Variants in R3HDM1 observed in about 807,000 individuals in gnomAD.
R3HDM1 encodes the protein R3H domain containing 1.
Under a neutral mutation model 141.1 loss-of-function variants are expected in R3HDM1, and 46 were observed. That is an observed-to-expected ratio of 0.33 (90% CI 0.26 to 0.42). The LOEUF is 0.42. R3HDM1 is among the 10% of genes least tolerant of loss of function. R3HDM1 has a pLI of 1.00. For synonymous variants in R3HDM1, 435 were observed against 472.9 expected (o/e 0.92, Z 1.04); for missense variants, 1,184 against 1,368.3 (o/e 0.87, Z 2.12).
At chr2:135,657,670 A>G (rs910683133) in intron 18 of R3HDM1, among the ~76,000 whole-genome samples, 5 of 152,136 alleles carry the variant, frequency 3.3e-5, no homozygotes, top group Admixed American at 6.6e-5. Context: ...CTTTTTACAG[A>G]TAACCCAATC....
chr2:135,668,751 G>A (rs1227799566), intron 19 of R3HDM1, among the ~76,000 whole-genome samples: 1 of 152,198 alleles, frequency 6.6e-6, no homozygotes, highest in Non-Finnish European at 1.5e-5. Context: ...AGCTGGCACT[G>A]CCCTGCTGAG....
chr2:135,561,288 C>A (rs1701753654), intron 1 of R3HDM1: 2 of 985,074 alleles, frequency 2.0e-6, no homozygotes, highest in African/African-American at 3.5e-5. Context: ...TACATTTTAT[C>A]TGTTGGTTCC....
In R3HDM1 at chr2:135,593,962, C is replaced by T. The variant is rs181324447; in HGVS notation, c.-249-8538C>T. On this transcript the variant is annotated intron_variant, in intron 1 of 26. Transcript: ENST00000683871. ...CTCAATCTTCTGACCTCAGGTGATC[C>T]GCCCGCCTCAGCCTCCCAAAGTCCT... Among the ~76,000 whole-genome samples the T allele has an allele frequency of 1.7e-3, 260 of 152,234 alleles. 6 individuals are homozygous for T. Among genetic ancestry groups the T allele is most frequent in the Admixed American group, 0.011 (172 of 15,300 alleles).
intron 21 of R3HDM1, among the ~76,000 whole-genome samples, chr2:135,705,719 T>A (rs545197286): frequency 2.6e-5 from 4 of 152,356 alleles, no homozygotes; most frequent in African/African-American, 9.6e-5. Flanking sequence ...TCATTTTTTT[T>A]ATCATGGCTT....
chr2:135,699,577 G>A (rs2073945066), intron 21 of R3HDM1, among the ~76,000 whole-genome samples: 1 of 151,942 alleles, frequency 6.6e-6, no homozygotes. Context: ...TCTTCTGATT[G>A]CTTTGCTTTT....
intron 1 of R3HDM1, among the ~76,000 whole-genome samples, chr2:135,593,688 C>G (rs1047074519): frequency 4.6e-5 from 7 of 152,000 alleles, no homozygotes; most frequent in African/African-American, 1.7e-4. Context: ...CTTCAGGGTA[C>G]CATATTCTCT....
rs146923009 is a variant in R3HDM1 at position 135,684,995 on chromosome 2, C to T, written c.2459+4671C>T. The stretch of plus-strand genomic sequence containing the variant: ...CCCAAGCTGGTCTCGAACTCCAAGG[C>T]TCAAGCAGTCCTCTCACCTCTACCC... On this transcript the variant is annotated intron_variant, in intron 21 of 26. Transcript: ENST00000683871. Among the ~76,000 whole-genome samples the T allele has an allele frequency of 2.6e-5, 4 of 152,200 alleles. No individual in the cohort carries two copies. The East Asian group carries it at 7.7e-4, about 29-fold the overall frequency.
At chr2:135,533,808 G>T (rs1185359373) in intron 1 of R3HDM1, 1 of 174,840 alleles carries the variant, frequency 5.7e-6, no homozygotes, top group African/African-American at 2.4e-5. Flanking sequence ...GAACCTGGGA[G>T]GCAGCGGTGA....
At chr2:135,579,403 A>G (rs928263947) in intron 1 of R3HDM1, among the ~76,000 whole-genome samples, 2 of 152,222 alleles carry the variant, frequency 1.3e-5, no homozygotes, top group East Asian at 1.9e-4. Flanking sequence ...TGGAATTCCA[A>G]TTAGCATAGA....
intron 15 of R3HDM1, among the ~76,000 whole-genome samples, chr2:135,643,708 A>G (rs545418958): frequency 3.0e-4 from 46 of 152,354 alleles, no homozygotes; most frequent in Admixed American, 9.8e-4. Context: ...CATGGAATCA[A>G]CCTAAATGCC....
intron 4 of R3HDM1, 77 bp from the exon 5 acceptor site, chr2:135,616,591 G>A: frequency 2.4e-6 from 3 of 1,225,528 alleles, no homozygotes; most frequent in Non-Finnish European, 3.4e-6. Flanking sequence ...AAGAAACTTA[G>A]AAACTCTTTC....
rs1191063091 is a variant in R3HDM1 at position 135,709,472 on chromosome 2, A to G, written c.2499A>G (p.Gln833=). The G allele has an allele frequency of 6.2e-7, 1 of 1,614,096 alleles. No individual in the cohort carries two copies. The highest frequency in any genetic ancestry group is 1.3e-5 in the African/African-American group (1 of 74,944). ...ACCTGCAACATCCAGGATCAGAACA[A>G]GTACAATTTCCTCGAACCACTTCAC... is the stretch of plus-strand genomic sequence containing the variant. ...VGYLQHPGSE[Q]VQFPRTTSPC... The change falls in exon 22 of 27, where the codon CAA becomes CAG. Residue 833 remains glutamine, a synonymous_variant. Transcript: ENST00000683871.
chr2:135,559,943 T>G (rs975553872), intron 1 of R3HDM1, among the ~76,000 whole-genome samples: 2 of 152,260 alleles, frequency 1.3e-5, no homozygotes, highest in Non-Finnish European at 1.5e-5. Flanking sequence ...AACAAAAGTT[T>G]TAAATATTTC....
intron 1 of R3HDM1, among the ~76,000 whole-genome samples, chr2:135,551,108 A>G (rs1487591266): frequency 2.6e-5 from 4 of 152,242 alleles, no homozygotes; most frequent in African/African-American, 4.8e-5. Flanking sequence ...GAGGAAATCT[A>G]TAATTTCCTC....
intron 18 of R3HDM1, among the ~76,000 whole-genome samples, chr2:135,658,961 G>A (rs897541547): frequency 5.9e-5 from 9 of 151,840 alleles, no homozygotes; most frequent in Admixed American, 2.0e-4. Context: ...AGTAACACAC[G>A]TGGAGCTGTC....
At chr2:135,606,941 C>T (rs1434325249) in intron 3 of R3HDM1, among the ~76,000 whole-genome samples, 1 of 53,796 alleles carries the variant, frequency 1.9e-5, no homozygotes, top group Non-Finnish European at 3.7e-5. Context: ...TTTAGCTTCA[C>T]TTTTTTAAAG....
At chr2:135,655,635 T>C (rs935311716) in intron 18 of R3HDM1, among the ~76,000 whole-genome samples, 9 of 151,840 alleles carry the variant, frequency 5.9e-5, no homozygotes, top group Admixed American at 5.9e-4. Context: ...GCCTCCCGAG[T>C]AGCTGGGACT....
At chr2:135,606,310 A>G (rs1051882991) in intron 3 of R3HDM1, 4 of 152,254 alleles carry the variant, frequency 2.6e-5, no homozygotes, top group Non-Finnish European at 5.9e-5. Context: ...CAAAGCTGCA[A>G]GGTTTCTTTT....
At position 135,709,480 on chromosome 2, in the gene R3HDM1, T is replaced by C; in HGVS notation, c.2507T>C (p.Phe836Ser). 6.2e-7 allele frequency: 1 copy of C among 1,614,158 alleles called. No individual in the cohort carries two copies. Among genetic ancestry groups the C allele is most frequent in the Non-Finnish European group, 8.5e-7 (1 of 1,180,020 alleles). The change falls in exon 22 of 27, where the codon TTT (phenylalanine) becomes TCT (serine). Residue 836 changes from phenylalanine (F) to serine (S), a missense_variant. Phe to Ser is a radical substitution (Grantham distance 155). Transcript: ENST00000683871. ...LQHPGSEQVQ[F>S]PRTTSPCSSQ... is the part of the protein sequence containing the mutation. ...CATCCAGGATCAGAACAAGTACAAT[T>C]TCCTCGAACCACTTCACCATGCAGT...
Sources: allele counts gnomAD v4.1 joint callset (sites outside exome capture counted in the v4.1 genomes callset), GRCh38; gene constraint gnomAD v4.1.1; transcripts MANE v1.5; gene names NCBI Gene and HGNC (gene_info 2026-07-23, HGNC 2026-07-21).